Variants in MCTP2 observed in about 807,000 individuals in gnomAD.
MCTP2 encodes the protein multiple C2 and transmembrane domain containing 2.
MCTP2 carries 132 observed loss-of-function variants against 111.6 expected under a neutral mutation model. The ratio of observed to expected loss-of-function variants is 1.18; its 90% CI spans 1.03 to 1.37. The LOEUF (loss-of-function observed/expected upper bound fraction) is 1.37, where lower values mean the gene tolerates loss of function less well. Among genes scored for constraint, MCTP2 ranks in the 40% most tolerant of loss-of-function variants. The pLI is 0.00. For missense variants in MCTP2, 1,183 were observed against 1,067.9 expected (o/e 1.11, Z -1.50); for synonymous variants, 395 against 387.7 (o/e 1.02, Z -0.22).
chr15:94,340,329 G>A (rs375996834), intron 6 of MCTP2, 54 bp downstream of exon 6: 81 of 1,284,902 alleles, frequency 6.3e-5, no homozygotes, highest in Non-Finnish European at 7.7e-5. Flanking sequence ...GGGAACTTAC[G>A]ATAATGTTAA....
At chr15:94,460,400 C>A (rs919573676) in intron 20 of MCTP2, among the ~76,000 whole-genome samples, 3 of 152,080 alleles carry the variant, frequency 2.0e-5, no homozygotes, top group African/African-American at 7.2e-5. Flanking sequence ...TGTGTCCGTG[C>A]CATGGAGGTG....
chr15:94,433,851 T>C (rs925900955), intron 17 of MCTP2, among the ~76,000 whole-genome samples: 4 of 152,206 alleles, frequency 2.6e-5, no homozygotes, highest in African/African-American at 9.6e-5. Context: ...TAATGCATAA[T>C]CATGTTGGAT....
intron 1 of MCTP2, among the ~76,000 whole-genome samples, chr15:94,249,936 A>G (rs1259045680): frequency 6.6e-6 from 1 of 152,092 alleles, no homozygotes; most frequent in South Asian, 2.1e-4. Context: ...CACTGCAAAC[A>G]TTACTTTTAT....
At chr15:94,284,545 A>G (rs1037500241) in intron 1 of MCTP2, among the ~76,000 whole-genome samples, 14 of 152,246 alleles carry the variant, frequency 9.2e-5, no homozygotes, top group African/African-American at 3.1e-4. Context: ...TCGTGAAGGT[A>G]ATGCTGATTG....
At chr15:94,376,714 ATC>A (rs2079792395) in intron 12 of MCTP2, among the ~76,000 whole-genome samples, 1 of 152,156 alleles carries the variant, frequency 6.6e-6, no homozygotes, top group Admixed American at 6.5e-5. Flanking sequence ...AACCACTTTT[ATC>A]TCTTCAGCCA....
chr15:94,420,467 C>A, intron 17 of MCTP2, among the ~76,000 whole-genome samples: 1 of 152,018 alleles, frequency 6.6e-6, no homozygotes, highest in Non-Finnish European at 1.5e-5. Context: ...TGAAAGGATT[C>A]ACCATTCTAG....
intron 1 of MCTP2, among the ~76,000 whole-genome samples, chr15:94,242,617 T>A (rs1208483015): frequency 6.6e-6 from 1 of 152,034 alleles, no homozygotes; most frequent in African/African-American, 2.4e-5. Flanking sequence ...GTAACAATTT[T>A]AAAAATCTAG....
At chr15:94,344,302 G>T (rs7177868) in intron 7 of MCTP2, among the ~76,000 whole-genome samples, 221 of 152,268 alleles carry the variant, frequency 1.5e-3, no homozygotes, top group African/African-American at 5.0e-3. Context: ...TGGCAAAGTG[G>T]ATCGGTCATT....
At chr15:94,251,420 G>A (rs2072417311) in intron 1 of MCTP2, among the ~76,000 whole-genome samples, 2 of 151,264 alleles carry the variant, frequency 1.3e-5, no homozygotes, top group African/African-American at 2.4e-5. Flanking sequence ...GTGCAGTGGC[G>A]CGATCTCAGC....
chr15:94,352,940 T>C (rs1310886776), intron 8 of MCTP2, among the ~76,000 whole-genome samples: 1 of 152,234 alleles, frequency 6.6e-6, no homozygotes. Flanking sequence ...GTCTTTAAAG[T>C]ACACCTCCTC....
chr15:94,284,992 G>A (rs1472521796), intron 1 of MCTP2, among the ~76,000 whole-genome samples: 1 of 152,116 alleles, frequency 6.6e-6, no homozygotes, highest in Non-Finnish European at 1.5e-5. Context: ...TCAGGGTTCA[G>A]GTCTCTAAGA....
At chr15:94,470,063 G>C (rs1015028124) in intron 20 of MCTP2, among the ~76,000 whole-genome samples, 1 of 152,236 alleles carries the variant, frequency 6.6e-6, no homozygotes, top group Middle Eastern at 3.4e-3. Context: ...AGAGCCAAAA[G>C]TCTTCTCTGG....
intron 21 of MCTP2, among the ~76,000 whole-genome samples, chr15:94,475,828 G>A (rs2074302515): frequency 6.6e-6 from 1 of 152,208 alleles, no homozygotes; most frequent in Admixed American, 6.5e-5. Context: ...ACCAGGGGCA[G>A]AGCGTGTCCT....
intron 17 of MCTP2, among the ~76,000 whole-genome samples, chr15:94,422,151 C>T (rs941032887): frequency 1.3e-5 from 2 of 152,086 alleles, no homozygotes; most frequent in Admixed American, 1.3e-4. Context: ...TTCCCCAAGG[C>T]TGCTAGTATA....
chr15:94,390,059 T>C (rs568052472), intron 14 of MCTP2, among the ~76,000 whole-genome samples: 658 of 8,764 alleles, frequency 0.075, 8 homozygotes, highest in Non-Finnish European at 0.081. Flanking sequence ...CATATATATA[T>C]ATATATATAT....
At chr15:94,317,261 A>G (rs1229422005) in intron 4 of MCTP2, among the ~76,000 whole-genome samples, 1 of 152,028 alleles carries the variant, frequency 6.6e-6, no homozygotes. Context: ...CGGTTTGCTT[A>G]TCATTTTATT....
intron 20 of MCTP2, among the ~76,000 whole-genome samples, chr15:94,467,295 G>GCTATGGATTT (rs1327879754): frequency 5.1e-4 from 78 of 152,052 alleles, no homozygotes; most frequent in Non-Finnish European, 1.2e-4. Flanking sequence ...TTGCCACCTA[G>GCTATGGATTT]CTATGGATTT....
chr15:94,239,887 G>T (rs760239352), intron 1 of MCTP2, among the ~76,000 whole-genome samples: 1 of 152,100 alleles, frequency 6.6e-6, no homozygotes, highest in Non-Finnish European at 1.5e-5. Flanking sequence ...GATAGGTGTG[G>T]CCCTGATCAG....
intron 1 of MCTP2, among the ~76,000 whole-genome samples, chr15:94,243,582 C>T (rs528532223): frequency 4.0e-5 from 6 of 149,070 alleles, no homozygotes; most frequent in African/African-American, 1.5e-4. Flanking sequence ...CATACGTATG[C>T]GTATATTTGT....
Sources: gnomAD v4.1 joint callset for allele counts (sites outside exome capture counted in the v4.1 genomes callset) on GRCh38, gnomAD v4.1.1 for gene constraint, MANE v1.5 for transcripts, NCBI Gene and HGNC (gene_info 2026-07-23, HGNC 2026-07-21) for gene names.